Variants in DBI observed in about 807,000 individuals in gnomAD.
The protein encoded by DBI is acyl-CoA-binding protein.
DBI carries 12 observed loss-of-function variants against 13.0 expected under a neutral mutation model. The ratio of observed to expected loss-of-function variants is 0.92; its 90% CI spans 0.59 to 1.49. The LOEUF is 1.49. Ranked by LOEUF, DBI falls within the 40% of genes most tolerant of loss-of-function variation. The pLI is 0.00. For missense variants in DBI, 95 were observed against 104.8 expected (o/e 0.91, Z 0.41); for synonymous variants, 37 against 37.4 (o/e 0.99, Z 0.04).
chr2:119,368,558 G>A (rs529702162), intron 2 of DBI: 75 of 422,118 alleles, frequency 1.8e-4, no homozygotes, highest in Non-Finnish European at 2.9e-4. Context: ...TAGGGAAGAA[G>A]CAAAGGCTGC....
intron 1 of DBI, chr2:119,367,808 G>A (rs3091406): frequency 0.19 from 312,345 of 1,611,890 alleles, 31,228 homozygotes; most frequent in East Asian, 0.24. Flanking sequence ...ACTCCCTAGT[G>A]CCTGGCCCGG....
chr2:119,367,045 G>A lies in DBI; in HGVS notation c.-7G>A. 1 of 1,614,078 alleles carries A rather than the reference G, an allele frequency of 6.2e-7. No individual in the cohort carries two copies. Among genetic ancestry groups the A allele is most frequent in the Non-Finnish European group, 8.5e-7 (1 of 1,180,008 alleles). On this transcript the variant is annotated 5_prime_UTR_variant, in exon 1 of 4. Coordinates refer to ENST00000355857, the MANE Select transcript of DBI (RefSeq NM_001079862.4). ...TGTCTCCCTGGAGTTCTTGCAAGTC[G>A]GCCAGGATGTCTCAGGTACAGCGCG...
intron 2 of DBI, 175 bp downstream of exon 2, chr2:119,368,480 G>A: frequency 3.3e-6 from 2 of 601,346 alleles, no homozygotes; most frequent in Middle Eastern, 4.4e-4. Context: ...AGTGTCTCCA[G>A]TAGTAACAGA....
At chr2:119,367,162 C>T in intron 1 of DBI, 102 bp downstream of exon 1, 1 of 1,556,402 alleles carries the variant, frequency 6.4e-7, no homozygotes, top group South Asian at 1.2e-5. Flanking sequence ...CCTTCCGTGC[C>T]CCTCACTTGC....
At chr2:119,367,783 G>A (rs1681156006) in intron 1 of DBI, 2 of 1,609,604 alleles carry the variant, frequency 1.2e-6, no homozygotes, top group Admixed American at 1.7e-5. Flanking sequence ...CCAGGGCTTC[G>A]CTGCAGCCCC....
At chr2:119,368,075 C>T in intron 1 of DBI, 113 bp from the exon 2 acceptor site, 1 of 1,476,832 alleles carries the variant, frequency 6.8e-7, no homozygotes, top group Non-Finnish European at 9.5e-7. Flanking sequence ...CGAAGGGTGC[C>T]ACCTTTCCCA....
At chr2:119,370,511 C>T (rs1415602814) in intron 2 of DBI, 1 of 363,548 alleles carries the variant, frequency 2.8e-6, no homozygotes, top group Non-Finnish European at 4.9e-6. Flanking sequence ...AAGACAAAGG[C>T]TATCTTGTAA....
intron 3 of DBI, 120 bp downstream of exon 3, chr2:119,370,922 C>A: frequency 1.2e-6 from 1 of 851,290 alleles, no homozygotes; most frequent in Non-Finnish European, 1.8e-6. Flanking sequence ...GGAAACCAGC[C>A]TGACCTGTGC....
intron 2 of DBI, among the ~76,000 whole-genome samples, chr2:119,369,244 G>T (rs935604724): frequency 1.3e-5 from 2 of 152,202 alleles, no homozygotes; most frequent in African/African-American, 4.8e-5. Flanking sequence ...AAGTGGGGGA[G>T]GCCAGAGGTG....
Position 119,368,331 on chromosome 2 carries a change from C to T in DBI, c.127+26C>T, listed in dbSNP as rs1681238250. The T allele has an allele frequency of 1.9e-6, 3 of 1,552,694 alleles. No homozygotes were observed. In the South Asian group the frequency reaches 3.3e-5, roughly 17 times the overall value. On this transcript the variant is annotated intron_variant, in intron 2 of 3. Transcript: ENST00000355857. The stretch of plus-strand genomic sequence containing the variant: ...GTATGCAGAGCGGGGGTTGGAAGGG[C>T]ATCTGCTCATCAAAGCAGGCTCAGC...
At chr2:119,367,928 G>A in intron 1 of DBI, 1 of 1,614,250 alleles carries the variant, frequency 6.2e-7, no homozygotes, top group Non-Finnish European at 8.5e-7. Context: ...TGATGCCTGC[G>A]TTTGTGAGAG....
intron 2 of DBI, 103 bp from the exon 3 acceptor site, chr2:119,370,636 GA>G: frequency 9.4e-7 from 1 of 1,061,656 alleles, no homozygotes; most frequent in Non-Finnish European, 1.4e-6. Context: ...ACAGAGCCTA[GA>G]AGGAACAGGT....
chr2:119,371,444 T>C (rs1681509779), intron 3 of DBI, among the ~76,000 whole-genome samples: 1 of 152,154 alleles, frequency 6.6e-6, no homozygotes, highest in Non-Finnish European at 1.5e-5. Context: ...GAGAAACCCT[T>C]GAATTCAGAA....
rs1015281473 is a variant in DBI at position 119,368,304 on chromosome 2, A to G, written c.126A>G (p.Thr42=). The G allele has an allele frequency of 3.7e-6, 6 of 1,608,982 alleles. No individual in the cohort carries two copies. Among genetic ancestry groups the G allele is most frequent in the Non-Finnish European group, 5.1e-6 (6 of 1,175,298 alleles). ...AAGCAACTGTGGGCGACATAAATACAGGTATGCAGAGCGGGGGTTGGAAGG... is the reference window on the plus strand; with the variant it reads ...AAGCAACTGTGGGCGACATAAATACGGGTATGCAGAGCGGGGGTTGGAAGG... ...YKQATVGDIN[T]ERPGMLDFTG... is the part of the protein sequence containing the mutation. The change falls in exon 2 of 4, where the codon ACA becomes ACG. Residue 42 remains threonine, a splice_region_variant and synonymous_variant. Transcript: ENST00000355857.
chr2:119,367,881 G>A, intron 1 of DBI: 1 of 1,614,206 alleles, frequency 6.2e-7, no homozygotes, highest in South Asian at 1.1e-5. Flanking sequence ...GGGGGCGAAG[G>A]CTTGGCCTGC....
intron 1 of DBI, 153 bp from the exon 2 acceptor site, chr2:119,368,035 G>T (rs1681194285): frequency 6.4e-7 from 1 of 1,556,238 alleles, no homozygotes; most frequent in Admixed American, 1.7e-5. Context: ...GGGCAGGGAG[G>T]GGCAGACACA....
intron 1 of DBI, chr2:119,367,725 G>A: frequency 6.2e-7 from 1 of 1,609,416 alleles, no homozygotes; most frequent in Non-Finnish European, 8.5e-7. Context: ...CTCATGCCCT[G>A]TCCCCTTTCA....
Position 119,367,697 on chromosome 2 carries a change from G to A in DBI, c.10-491G>A, listed in dbSNP as rs550259835. 8.6e-4 allele frequency: 1,380 copies of A among 1,611,886 alleles called. 18 individuals carry two copies. In the South Asian group the frequency reaches 0.014, roughly 17 times the overall value. On this transcript the variant is annotated intron_variant, in intron 1 of 3. Transcript: ENST00000355857. ...GGGAGGGAGGGGACCAACGGGCTCC[G>A]GCGCTGACACCGCGGCACTCATGCC...
chr2:119,372,516 C>T lies in DBI; in HGVS notation c.*198C>T. On this transcript the variant is annotated 3_prime_UTR_variant, in exon 4 of 4. Transcript: ENST00000355857. ...TCCTTGAGTAGTTTTTATCTGAAAT[C>T]AATTAAAAGTGTATTTGTTACTTTA... 1 of 491,150 alleles carries T rather than the reference C, an allele frequency of 2.0e-6. No homozygotes were observed. Among genetic ancestry groups the T allele is most frequent in the Non-Finnish European group, 3.7e-6 (1 of 270,782 alleles). The allele number at this position is 491,150 out of a possible 1,614,324, so 30.4% of individuals were successfully genotyped here.
Sources: allele counts gnomAD v4.1 joint callset (sites outside exome capture counted in the v4.1 genomes callset), GRCh38; gene constraint gnomAD v4.1.1; transcripts MANE v1.5; gene names NCBI Gene and HGNC (gene_info 2026-07-23, HGNC 2026-07-21).